The following GARRE1 variants were observed in gnomAD, a reference collection of about 807,000 sequenced individuals.
GARRE1 encodes the protein granule associated Rac and RHOG effector protein 1.
In GARRE1, 49 loss-of-function variants were observed where a neutral mutation model predicts 103.2. The observed-to-expected ratio is 0.47, with a 90% CI of 0.38 to 0.60. GARRE1 has a LOEUF of 0.60. Ranked by LOEUF, GARRE1 falls within the 20% of genes least tolerant of loss-of-function variation. GARRE1 has a pLI of 0.00. For missense variants in GARRE1, 1,199 were observed against 1,370.5 expected (o/e 0.87, Z 1.98); for synonymous variants, 505 against 532.8 (o/e 0.95, Z 0.72).
intron 1 of GARRE1, among the ~76,000 whole-genome samples, chr19:34,257,937 T>A (rs2073685360): frequency 6.6e-6 from 1 of 150,602 alleles, no homozygotes; most frequent in African/African-American, 2.4e-5. Flanking sequence ...TTGCCCAGAC[T>A]GGAGTGCAGT....
chr19:34,309,167 T>C (rs1419524521), intron 2 of GARRE1, among the ~76,000 whole-genome samples: 1 of 152,100 alleles, frequency 6.6e-6, no homozygotes, highest in Non-Finnish European at 1.5e-5. Flanking sequence ...ACGCAAGTTA[T>C]GCAATACCAC....
intron 1 of GARRE1, among the ~76,000 whole-genome samples, chr19:34,272,326 A>G (rs1243162817): frequency 6.6e-6 from 1 of 152,052 alleles, no homozygotes; most frequent in Non-Finnish European, 1.5e-5. Flanking sequence ...TGATTCCCAG[A>G]TAGCTGGGAT....
intron 1 of GARRE1, among the ~76,000 whole-genome samples, chr19:34,296,908 G>A (rs2048622941): frequency 6.6e-6 from 1 of 152,090 alleles, no homozygotes; most frequent in Non-Finnish European, 1.5e-5. Flanking sequence ...CCACCTCTAA[G>A]TACCTAGGAC....
intron 2 of GARRE1, among the ~76,000 whole-genome samples, chr19:34,302,298 T>TG: frequency 7.0e-6 from 1 of 142,312 alleles, no homozygotes; most frequent in Non-Finnish European, 1.5e-5. Context: ...AGCCGTTTTT[T>TG]TTTTTTTTTT....
At chr19:34,327,400 C>T (rs779883903) in intron 3 of GARRE1, 21 bp from the exon 4 acceptor site, 1 of 1,611,744 alleles carries the variant, frequency 6.2e-7, no homozygotes, top group East Asian at 2.2e-5. Context: ...TTTTACCTAC[C>T]AGTTACTATA....
chr19:34,293,715 A>C (rs1364675076), intron 1 of GARRE1, among the ~76,000 whole-genome samples: 3 of 100,498 alleles, frequency 3.0e-5, no homozygotes, highest in African/African-American at 1.3e-4. Flanking sequence ...TAAACATATA[A>C]ACACACACAC....
intron 1 of GARRE1, among the ~76,000 whole-genome samples, chr19:34,262,452 C>T (rs185342057): frequency 7.2e-5 from 11 of 151,818 alleles, no homozygotes; most frequent in East Asian, 1.9e-4. Context: ...TGCGTCACCA[C>T]GCCCAGCTAA....
chr19:34,313,629 T>C (rs2074046890), intron 2 of GARRE1, among the ~76,000 whole-genome samples: 1 of 152,224 alleles, frequency 6.6e-6, no homozygotes, highest in Admixed American at 6.5e-5. Context: ...GTAATCAGTT[T>C]ATCAATAGTA....
At chr19:34,260,280 A>C (rs531655420) in intron 1 of GARRE1, among the ~76,000 whole-genome samples, 1 of 152,350 alleles carries the variant, frequency 6.6e-6, no homozygotes, top group East Asian at 1.9e-4. Flanking sequence ...AGGTATGTGC[A>C]TTGTTTTTGT....
intron 7 of GARRE1, among the ~76,000 whole-genome samples, chr19:34,330,727 CTTTTTTTTTTT>C (rs1213759081): frequency 9.8e-6 from 1 of 102,090 alleles, no homozygotes; most frequent in East Asian, 2.7e-4. Context: ...GACCCTGCCT[CTTTTTTTTTTT>C]TTTTTTTTTT....
chr19:34,350,024 A>AC (rs2074229092), intron 12 of GARRE1, among the ~76,000 whole-genome samples: 1 of 152,192 alleles, frequency 6.6e-6, no homozygotes, highest in African/African-American at 2.4e-5. Flanking sequence ...GTGCCACTGC[A>AC]CTCTAGCCTG....
chr19:34,343,967 G>A (rs997493744), intron 10 of GARRE1, among the ~76,000 whole-genome samples: 4 of 152,284 alleles, frequency 2.6e-5, no homozygotes, highest in South Asian at 2.1e-4. Context: ...AGACAAGGGC[G>A]ACTGTTATCA....
chr19:34,271,891 T>G (rs2073790564), intron 1 of GARRE1, among the ~76,000 whole-genome samples: 1 of 152,110 alleles, frequency 6.6e-6, no homozygotes, highest in Non-Finnish European at 1.5e-5. Context: ...GGCTGGCTTC[T>G]TGTCCTCATA....
chr19:34,341,391 T>A, intron 9 of GARRE1, 31 bp from the exon 10 acceptor site: 1 of 1,563,138 alleles, frequency 6.4e-7, no homozygotes, highest in East Asian at 2.3e-5. Context: ...ATTTGTCTTT[T>A]TTTTTTTTAA....
At chr19:34,268,284 G>A (rs1458840212) in intron 1 of GARRE1, among the ~76,000 whole-genome samples, 3 of 152,156 alleles carry the variant, frequency 2.0e-5, no homozygotes, top group African/African-American at 7.2e-5. Context: ...CGGAAGTTTA[G>A]GAGCCAGCTT....
At chr19:34,296,829 G>T (rs2073950080) in intron 1 of GARRE1, among the ~76,000 whole-genome samples, 1 of 151,904 alleles carries the variant, frequency 6.6e-6, no homozygotes. Context: ...TTATTTTTGG[G>T]GACAGAGTCT....
At chr19:34,317,882 G>A (rs2074067160) in intron 2 of GARRE1, among the ~76,000 whole-genome samples, 1 of 152,162 alleles carries the variant, frequency 6.6e-6, no homozygotes, top group Non-Finnish European at 1.5e-5. Context: ...AATAGCTGCT[G>A]CTTATTCTAC....
At chr19:34,302,172 T>C (rs1246269468) in intron 2 of GARRE1, among the ~76,000 whole-genome samples, 1 of 150,076 alleles carries the variant, frequency 6.7e-6, no homozygotes, top group Non-Finnish European at 1.5e-5. Flanking sequence ...GTATTTTTAG[T>C]AGAGACGGGG....
intron 6 of GARRE1, 105 bp downstream of exon 6, chr19:34,328,256 C>A: frequency 1.5e-6 from 2 of 1,333,814 alleles, no homozygotes; most frequent in East Asian, 2.4e-5. Flanking sequence ...AAAAATGGGG[C>A]CGGGCGTGGT....
Sources: allele counts gnomAD v4.1 joint callset (sites outside exome capture counted in the v4.1 genomes callset), GRCh38; gene constraint gnomAD v4.1.1; transcripts MANE v1.5; gene names NCBI Gene and HGNC (gene_info 2026-07-23, HGNC 2026-07-21).